Variants in MKLN1 observed in about 807,000 individuals in gnomAD.
The protein encoded by MKLN1 is muskelin 1, also known as muskelin.
A neutral mutation model predicts 99.0 loss-of-function variants in MKLN1; 18 were observed. That is an observed-to-expected ratio of 0.18 (90% confidence interval 0.13 to 0.27). The LOEUF (loss-of-function observed/expected upper bound fraction) is 0.27, where lower values mean the gene tolerates loss of function less well. Ranked by LOEUF, MKLN1 falls within the 10% of genes least tolerant of loss-of-function variation. The pLI is 1.00. For synonymous variants in MKLN1, 288 were observed against 293.2 expected, an observed-to-expected ratio of 0.98 and a Z score of 0.18; for missense variants, 621 against 875.9, an observed-to-expected ratio of 0.71 and a Z score of 3.67.
intron 3 of MKLN1, among the ~76,000 whole-genome samples, chr7:131,281,280 T>G (rs1270834006): frequency 6.6e-6 from 1 of 152,036 alleles, no homozygotes; most frequent in African/African-American, 2.4e-5. Context: ...CCCAGCAACA[T>G]TTGTTGAAAA....
chr7:131,404,766 G>A (rs773681455), intron 6 of MKLN1, among the ~76,000 whole-genome samples: 11 of 151,384 alleles, frequency 7.3e-5, no homozygotes, highest in African/African-American at 1.9e-4. Flanking sequence ...CACTACACCC[G>A]GTTAATTTTT....
intron 3 of MKLN1, among the ~76,000 whole-genome samples, chr7:131,207,959 C>T (rs1796844294): frequency 6.6e-6 from 1 of 152,168 alleles, no homozygotes; most frequent in South Asian, 2.1e-4. Context: ...CTCACTTCTT[C>T]CCAGAATATT....
intron 2 of MKLN1, among the ~76,000 whole-genome samples, chr7:131,386,338 T>C (rs556376329): frequency 2.6e-4 from 40 of 152,282 alleles, no homozygotes; most frequent in Admixed American, 5.9e-4. Flanking sequence ...AGGATTGATG[T>C]TGGATCAGTT....
intron 2 of MKLN1, among the ~76,000 whole-genome samples, chr7:131,192,144 C>CT (rs200858703): frequency 0.37 from 25,449 of 69,310 alleles, 6,105 homozygotes; most frequent in Admixed American, 0.45. Context: ...AATATATATA[C>CT]GTATATATAC....
chr7:131,481,048 C>T (rs1002516952), intron 17 of MKLN1, among the ~76,000 whole-genome samples: 5 of 152,078 alleles, frequency 3.3e-5, no homozygotes, highest in African/African-American at 4.8e-5. Context: ...TATTTGGATT[C>T]TAAACAAACC....
At chr7:131,458,320 C>T (rs1796409889) in intron 12 of MKLN1, among the ~76,000 whole-genome samples, 1 of 152,020 alleles carries the variant, frequency 6.6e-6, no homozygotes, top group Non-Finnish European at 1.5e-5. Flanking sequence ...GTATAGATAC[C>T]CACAGTAGAA....
At chr7:131,188,270 G>A (rs1378216923) in intron 2 of MKLN1, among the ~76,000 whole-genome samples, 6 of 152,226 alleles carry the variant, frequency 3.9e-5, no homozygotes, top group Non-Finnish European at 8.8e-5. Context: ...TTGATCACCT[G>A]TATTAGTTAC....
At chr7:131,156,130 T>C (rs752838358) in intron 2 of MKLN1, among the ~76,000 whole-genome samples, 16 of 152,226 alleles carry the variant, frequency 1.1e-4, no homozygotes, top group African/African-American at 1.7e-4. Flanking sequence ...GCAAAAGTCA[T>C]TGCGGGTTTT....
At chr7:131,216,422 C>CAAAAAAAAA (rs34071524) in intron 3 of MKLN1, among the ~76,000 whole-genome samples, 1 of 116,424 alleles carries the variant, frequency 8.6e-6, no homozygotes. Context: ...GTCTCTGACT[C>CAAAAAAAAA]AAAAAAAAAA....
chr7:131,139,522 C>G (rs1795700420), intron 1 of MKLN1, among the ~76,000 whole-genome samples: 1 of 152,188 alleles, frequency 6.6e-6, no homozygotes, highest in Non-Finnish European at 1.5e-5. Flanking sequence ...GGATAGCTGC[C>G]TGGCCAGCTG....
At chr7:131,417,369 G>A (rs1014444251) in intron 8 of MKLN1, among the ~76,000 whole-genome samples, 41 of 151,984 alleles carry the variant, frequency 2.7e-4, no homozygotes, top group African/African-American at 8.7e-4. Flanking sequence ...TCTTTTATTC[G>A]TTATGAATTC....
intron 17 of MKLN1, among the ~76,000 whole-genome samples, chr7:131,483,571 C>T (rs1241642403): frequency 6.6e-6 from 1 of 152,218 alleles, no homozygotes; most frequent in Non-Finnish European, 1.5e-5. Context: ...ATCACTCTAA[C>T]TCATACCTGA....
intron 1 of MKLN1, among the ~76,000 whole-genome samples, chr7:131,353,908 A>T (rs1425612042): frequency 1.8e-5 from 2 of 110,756 alleles, no homozygotes; most frequent in East Asian, 5.7e-4. Context: ...CTTTGTAAAA[A>T]AAAAAAAAAA....
At chr7:131,351,585 C>T (rs1394263116) in intron 1 of MKLN1, among the ~76,000 whole-genome samples, 2 of 152,072 alleles carry the variant, frequency 1.3e-5, no homozygotes, top group African/African-American at 4.8e-5. Context: ...CCTCAGCCTC[C>T]CAAGTAACTG....
chr7:131,143,183 C>A (rs563077902), intron 2 of MKLN1, among the ~76,000 whole-genome samples: 10 of 152,060 alleles, frequency 6.6e-5, no homozygotes, highest in African/African-American at 1.9e-4. Flanking sequence ...TATTTAAATT[C>A]TTTGGCTGGG....
chr7:131,313,439 T>G (rs1053392497), intron 3 of MKLN1, among the ~76,000 whole-genome samples: 2 of 152,224 alleles, frequency 1.3e-5, no homozygotes, highest in Non-Finnish European at 2.9e-5. Flanking sequence ...AAAAAAATTT[T>G]AGTCATGAGA....
intron 2 of MKLN1, among the ~76,000 whole-genome samples, chr7:131,201,086 C>T (rs1433809318): frequency 6.6e-6 from 1 of 152,176 alleles, no homozygotes; most frequent in Non-Finnish European, 1.5e-5. Flanking sequence ...GCGGTGCCAT[C>T]TCAGCTCACT....
In MKLN1 at chr7:131,493,091, CAG is replaced by C. The variant is rs1328572548; in HGVS notation, c.*5365_*5366del. 6.6e-6 allele frequency: 1 copy of C among 152,180 alleles called. No individual in the cohort carries two copies. Among genetic ancestry groups the C allele is most frequent in the Non-Finnish European group, 1.5e-5 (1 of 68,034 alleles). 9.4% of individuals were successfully genotyped at this position (152,180 alleles called of 1,614,324 possible). A position where few individuals can be genotyped will look rare whatever the true frequency, so the allele number is the denominator to read the frequency against. On this transcript the variant is annotated 3_prime_UTR_variant, in exon 18 of 18. Transcript: ENST00000352689. ...AAACACTGCTGAGCTTGCTGGAAAA[CAG>C]AATTTAACATGAATGTTGTCTGAAA...
intron 3 of MKLN1, among the ~76,000 whole-genome samples, chr7:131,246,299 GC>G (rs1216365335): frequency 6.6e-6 from 1 of 152,186 alleles, no homozygotes; most frequent in African/African-American, 2.4e-5. Context: ...TCTTCCAAGT[GC>G]ACTTGGCTTT....
Sources: allele counts gnomAD v4.1 joint callset (sites outside exome capture counted in the v4.1 genomes callset), GRCh38; gene constraint gnomAD v4.1.1; transcripts MANE v1.5; gene names NCBI Gene and HGNC (gene_info 2026-07-23, HGNC 2026-07-21).